The following ME3 variants were observed in gnomAD, a reference collection of about 807,000 sequenced individuals.
ME3 encodes NADP-dependent malic enzyme, mitochondrial.
Under a neutral mutation model 68.9 loss-of-function variants are expected in ME3, and 48 were observed. That is an observed-to-expected ratio of 0.70 (90% confidence interval 0.55 to 0.89). The LOEUF (loss-of-function observed/expected upper bound fraction) is 0.89, where lower values mean the gene tolerates loss of function less well. Among genes scored for constraint, ME3 ranks in the 40% least tolerant of loss-of-function variants. ME3 has a pLI of 0.00. For synonymous variants in ME3, 320 were observed against 318.8 expected, an observed-to-expected ratio of 1.00 and a Z score of -0.04; for missense variants, 675 against 797.4, an observed-to-expected ratio of 0.85 and a Z score of 1.85.
At chr11:86,610,474 T>C (rs527561932) in intron 2 of ME3, among the ~76,000 whole-genome samples, 3 of 152,226 alleles carry the variant, frequency 2.0e-5, no homozygotes, top group South Asian at 2.1e-4. Flanking sequence ...TTAGCAAATG[T>C]GGAAATCAGT....
At chr11:86,669,602 T>A (rs934870575) in intron 2 of ME3, among the ~76,000 whole-genome samples, 2 of 152,150 alleles carry the variant, frequency 1.3e-5, no homozygotes, top group Non-Finnish European at 2.9e-5. Flanking sequence ...GAGAACAGCA[T>A]GCAGGGGAAC....
intron 2 of ME3, among the ~76,000 whole-genome samples, chr11:86,611,250 A>G (rs187167822): frequency 6.6e-6 from 1 of 152,208 alleles, no homozygotes; most frequent in African/African-American, 2.4e-5. Flanking sequence ...GTGTGGGGAA[A>G]TGGGGAGATG....
At chr11:86,669,780 G>A (rs1946806844) in intron 2 of ME3, among the ~76,000 whole-genome samples, 1 of 152,116 alleles carries the variant, frequency 6.6e-6, no homozygotes, top group Admixed American at 6.5e-5. Context: ...AACGACAGGG[G>A]CAAGAATGAT....
At chr11:86,448,962 G>A (rs1949476652) in intron 10 of ME3, among the ~76,000 whole-genome samples, 1 of 152,190 alleles carries the variant, frequency 6.6e-6, no homozygotes, top group Admixed American at 6.5e-5. Flanking sequence ...AGAGGGAAGA[G>A]TGGCTGTCTC....
At chr11:86,561,332 T>C (rs1011425851) in intron 2 of ME3, among the ~76,000 whole-genome samples, 1 of 152,158 alleles carries the variant, frequency 6.6e-6, no homozygotes, top group Non-Finnish European at 1.5e-5. Context: ...GATCCCCAAT[T>C]CCTTTTTCAG....
chr11:86,543,093 C>T lies in ME3; in HGVS notation c.467+13460G>A, dbSNP rs559489071. On this transcript the variant is annotated intron_variant, in intron 4 of 14. Coordinates refer to ENST00000543262, the Ensembl canonical transcript of ME3. The stretch of plus-strand genomic sequence containing the variant: ...AAGGAGAAATAAAATCCTTTACAGA[C>T]AAGCAAATGCTGAGAGATTTTGTCA... Among the ~76,000 whole-genome samples the T allele has an allele frequency of 1.3e-5, 2 of 152,256 alleles. 1 individual carries two copies. The highest frequency in any genetic ancestry group is 4.2e-4 in the South Asian group (2 of 4,816).
At chr11:86,448,386 G>A in intron 10 of ME3, 131 bp from the exon 11 acceptor site, 1 of 664,938 alleles carries the variant, frequency 1.5e-6, no homozygotes, top group Non-Finnish European at 2.7e-6. Context: ...AGATGTTTTG[G>A]GGCCCATCTT....
At chr11:86,446,227 A>G in intron 13 of ME3, 87 bp downstream of exon 13, 1 of 1,464,562 alleles carries the variant, frequency 6.8e-7, no homozygotes, top group East Asian at 2.3e-5. Context: ...GCAGATGGGC[A>G]GAAGAGATAA....
intron 2 of ME3, among the ~76,000 whole-genome samples, chr11:86,636,957 A>T (rs577421949): frequency 9.8e-5 from 15 of 152,320 alleles, no homozygotes; most frequent in African/African-American, 3.1e-4. Flanking sequence ...AGAGGAGTAG[A>T]ATTACAGAGA....
At chr11:86,502,920 C>T (rs1408858890) in intron 5 of ME3, among the ~76,000 whole-genome samples, 1 of 152,160 alleles carries the variant, frequency 6.6e-6, no homozygotes, top group Non-Finnish European at 1.5e-5. Context: ...CTTGCTTGCT[C>T]TGGAGCTTCC....
In ME3 at chr11:86,447,052, A is replaced by T; in HGVS notation, c.1380+13T>A. On this transcript the variant is annotated intron_variant, in intron 12 of 14. Transcript: ENST00000543262. ...GTCCTCTCAGCCGGGGGAAGGAAGG[A>T]CTCCCCGCTGACCTCGGTGACCCGG... is the stretch of plus-strand genomic sequence containing the variant. 1 of 1,611,452 alleles carries T rather than the reference A, an allele frequency of 6.2e-7. No individual in the cohort carries two copies. Among genetic ancestry groups the T allele is most frequent in the South Asian group, 1.1e-5 (1 of 90,772 alleles).
intron 2 of ME3, among the ~76,000 whole-genome samples, chr11:86,627,762 G>A (rs1401759483): frequency 1.3e-5 from 2 of 152,162 alleles, no homozygotes; most frequent in African/African-American, 2.4e-5. Flanking sequence ...CAGATTTAAT[G>A]TCCAGCAGAA....
intron 8 of ME3, among the ~76,000 whole-genome samples, chr11:86,455,746 G>T (rs573149833): frequency 5.9e-5 from 9 of 152,228 alleles, no homozygotes; most frequent in African/African-American, 2.2e-4. Flanking sequence ...CCTTAACCAT[G>T]CCTCCTTTTC....
intron 2 of ME3, among the ~76,000 whole-genome samples, chr11:86,561,991 A>G (rs145294789): frequency 6.1e-4 from 93 of 152,314 alleles, no homozygotes; most frequent in African/African-American, 2.2e-3. Flanking sequence ...GTTTTGACAA[A>G]TGCATGTCAT....
chr11:86,643,929 A>G (rs1944833567), intron 2 of ME3, among the ~76,000 whole-genome samples: 1 of 152,216 alleles, frequency 6.6e-6, no homozygotes, highest in African/African-American at 2.4e-5. Context: ...TGTATAACGA[A>G]GGTAATAACA....
At chr11:86,439,179 A>C (rs1948913203), downstream of ME3, among the ~76,000 whole-genome samples, 3 of 152,192 alleles carry the variant, frequency 2.0e-5, no homozygotes, top group African/African-American at 7.2e-5. Context: ...TCACAGCAAC[A>C]CCCAGAATAA....
At chr11:86,669,696 G>C (rs2135529656) in intron 2 of ME3, among the ~76,000 whole-genome samples, 1 of 152,284 alleles carries the variant, frequency 6.6e-6, no homozygotes, top group East Asian at 1.9e-4. Flanking sequence ...GATGAGATTT[G>C]TATGGGGACA....
chr11:86,457,393 A>T (rs1949997988), intron 8 of ME3: 1 of 596,786 alleles, frequency 1.7e-6, no homozygotes, highest in African/African-American at 2.0e-5. Context: ...AAGTACCTCC[A>T]GGTGGCCAAA....
At chr11:86,453,872 C>G (rs1464341708) in intron 8 of ME3, among the ~76,000 whole-genome samples, 4 of 152,246 alleles carry the variant, frequency 2.6e-5, no homozygotes, top group Non-Finnish European at 5.9e-5. Flanking sequence ...ACGCCACTAA[C>G]TGCCACCTCC....
Sources: gnomAD v4.1 joint callset for allele counts (sites outside exome capture counted in the v4.1 genomes callset) on GRCh38, gnomAD v4.1.1 for gene constraint, MANE v1.5 for transcripts, NCBI Gene and HGNC (gene_info 2026-07-23, HGNC 2026-07-21) for gene names.